WNT8A: variants seen among roughly 807,000 people sequenced by gnomAD.
WNT8A encodes the protein protein Wnt-8a.
Under a neutral mutation model 20.5 loss-of-function variants are expected in WNT8A, and 14 were observed. The ratio of observed to expected loss-of-function variants is 0.68; its 90% CI spans 0.45 to 1.07. WNT8A has a LOEUF of 1.07. WNT8A is among the 50% of genes least tolerant of loss of function. The pLI is 0.00. For synonymous variants in WNT8A, 167 were observed against 169.2 expected (o/e 0.99, Z 0.10); for missense variants, 397 against 462.9 (o/e 0.86, Z 1.31).
At chr5:138,088,068 G>C (rs1009863024) in intron 3 of WNT8A, 137 bp downstream of exon 3, 417 of 1,326,036 alleles carry the variant, frequency 3.1e-4, no homozygotes, top group Non-Finnish European at 4.1e-4. Flanking sequence ...TCAATTGTAG[G>C]ATCTCCTAGC....
intron 2 of WNT8A, among the ~76,000 whole-genome samples, chr5:138,087,474 G>GT: frequency 6.6e-6 from 1 of 151,726 alleles, no homozygotes; most frequent in East Asian, 1.9e-4. Flanking sequence ...TCAACAAGGT[G>GT]AAACCCCATC....
In WNT8A at chr5:138,088,954, G is replaced by T; in HGVS notation, c.449G>T (p.Cys150Phe). The T allele has an allele frequency of 6.2e-7, 1 of 1,614,018 alleles. No individual in the cohort carries two copies. The highest frequency in any genetic ancestry group is 8.5e-7 in the Non-Finnish European group (1 of 1,180,012). ...GGCCATGGCTGGATCTGGGGAGGCTGCAGCGACAATGTGGAATTTGGGGAA... is the reference window on the plus strand; with the variant it reads ...GGCCATGGCTGGATCTGGGGAGGCTTCAGCGACAATGTGGAATTTGGGGAA... ...TGGHGWIWGG[C>F]SDNVEFGERI... Residue 150 changes from cysteine (C) to phenylalanine (F), a missense_variant, in exon 4 of 5, where the codon TGC (cysteine) becomes TTC (phenylalanine). Transcript: ENST00000506684.
chr5:138,090,560 ATG>A lies in WNT8A; in HGVS notation c.599_600del (p.Cys200SerfsTer18). ...VRATMKRTCK[C>X]HGISGSCSIQ... is the part of the protein sequence containing the mutation. ...GAGCCACCATGAAAAGGACATGCAA[ATG>A]TCATGGCATCTCTGGGAGCTGCAGC... On this transcript the variant is annotated frameshift_variant, in exon 5 of 5. Transcript: ENST00000506684. LOFTEE classifies it low-confidence loss of function (END_TRUNC). 31 of 1,614,136 alleles carry A rather than the reference ATG, an allele frequency of 1.9e-5. No homozygotes were observed. The highest frequency in any genetic ancestry group is 2.6e-5 in the Non-Finnish European group (31 of 1,180,004).
At chr5:138,078,965 A>G in the WNT8A span, among the ~76,000 whole-genome samples, 1 of 152,162 alleles carries the variant, frequency 6.6e-6, no homozygotes, top group Admixed American at 6.6e-5. Context: ...CAGAAGTGTG[A>G]ATGCTTATTC....
upstream of WNT8A, among the ~76,000 whole-genome samples, chr5:138,082,876 A>AAAATAAATAAAT (rs61652264): frequency 4.6e-3 from 632 of 137,802 alleles, 7 homozygotes; most frequent in African/African-American, 6.3e-3. Flanking sequence ...ACTCCATCTC[A>AAAATAAATAAAT]AAATAAATAA....
At chr5:138,080,088 C>T (rs969897767), upstream of WNT8A, among the ~76,000 whole-genome samples, 15 of 152,028 alleles carry the variant, frequency 9.9e-5, no homozygotes, top group African/African-American at 3.4e-4. Context: ...TTTGGGAGGC[C>T]GAGGTGAGCA....
chr5:138,088,794 C>A (rs1561576712), intron 3 of WNT8A, 133 bp from the exon 4 acceptor site: 1 of 1,275,068 alleles, frequency 7.8e-7, no homozygotes, highest in Non-Finnish European at 1.1e-6. Flanking sequence ...CTCCCACCCA[C>A]CCCAAGCACC....
rs760127871 is a variant in WNT8A at position 138,090,913 on chromosome 5, T to C, written c.950T>C (p.Leu317Pro). ...GGGCGCCTGTGCACTGAGTGTGGGC[T>C]GCAGGTGGAAGAGAGGAAAACTGAG... ...SCGRLCTECG[L>P]QVEERKTEVI... The change falls in exon 5 of 5, where the codon CTG (leucine) becomes CCG (proline). Residue 317 changes from leucine to proline, a missense_variant. Transcript: ENST00000506684. 6.2e-7 allele frequency: 1 copy of C among 1,614,192 alleles called. No individual in the cohort carries two copies. The highest frequency in any genetic ancestry group is 8.5e-7 in the Non-Finnish European group (1 of 1,180,030).
At chr5:138,089,746 C>T (rs565296432) in intron 4 of WNT8A, among the ~76,000 whole-genome samples, 1 of 152,260 alleles carries the variant, frequency 6.6e-6, no homozygotes, top group South Asian at 2.1e-4. Flanking sequence ...ACTGCAGCCT[C>T]CACCTCCCAG....
upstream of WNT8A, among the ~76,000 whole-genome samples, chr5:138,082,900 T>TAAATAAAA (rs2151143294): frequency 7.2e-6 from 1 of 138,086 alleles, no homozygotes; most frequent in Admixed American, 7.4e-5. Context: ...AATAAATAAA[T>TAAATAAAA]AAATAAATAA....
At position 138,091,311 on chromosome 5, in the gene WNT8A, CA is replaced by C; in HGVS notation, c.*241del. On this transcript the variant is annotated 3_prime_UTR_variant, in exon 5 of 5. Transcript: ENST00000506684. ...GCAGACCCCCATTTCATCTTTCCTG[CA>C]AACTACTTTCCCATCTTTGTGCCTG... 6.6e-7 allele frequency: 1 copy of C among 1,524,582 alleles called. No individual in the cohort carries two copies. Among genetic ancestry groups the C allele is most frequent in the Non-Finnish European group, 8.8e-7 (1 of 1,134,142 alleles). The allele number at this position is 1,524,582 out of a possible 1,614,324, so 94.4% of individuals were successfully genotyped here.
upstream of WNT8A, among the ~76,000 whole-genome samples, chr5:138,079,848 T>C (rs1361215395): frequency 6.6e-6 from 1 of 152,224 alleles, no homozygotes; most frequent in Non-Finnish European, 1.5e-5. Flanking sequence ...GTAGACTTGA[T>C]GTGGAATGCC....
At chr5:138,089,176 A>ATCTCAATCTGGCTGG in intron 4 of WNT8A, 107 bp downstream of exon 4, 1 of 1,463,966 alleles carries the variant, frequency 6.8e-7, no homozygotes, top group Non-Finnish European at 9.1e-7. Flanking sequence ...CTACCCAGCC[A>ATCTCAATCTGGCTGG]GATTGAGATG....
rs140264645 is a variant in WNT8A, at chr5:138,085,583, C to T, written c.295+947C>T. Among the ~76,000 whole-genome samples the T allele has an allele frequency of 2.6e-5, 4 of 152,138 alleles. No homozygotes were observed. The East Asian group carries it at 7.7e-4, about 29-fold the overall frequency. On this transcript the variant is annotated intron_variant, in intron 2 of 4. Coordinates refer to ENST00000506684, the MANE Select transcript of WNT8A (RefSeq NM_001300939.2). Reference sequence around the variant, plus strand: ...GAAAGTGGCTAAGCACGTGTTGGAACCATGCCTATAATCCCAGCACTTTGG... The same window carrying T: ...GAAAGTGGCTAAGCACGTGTTGGAATCATGCCTATAATCCCAGCACTTTGG...
Position 138,091,156 on chromosome 5 carries a change from G to A in WNT8A, c.*83G>A, listed in dbSNP as rs558564122. On this transcript the variant is annotated 3_prime_UTR_variant, in exon 5 of 5. Coordinates refer to ENST00000506684, the MANE Select transcript of WNT8A (RefSeq NM_001300939.2). ...TCTCTTAGAGAGAACAGATTGGAAA[G>A]CAATCGGAAAATTGCAGTTTTGGTC... The A allele has an allele frequency of 1.1e-4, 175 of 1,543,506 alleles. 4 individuals carry two copies. In the Admixed American group the frequency reaches 3.2e-3, roughly 28 times the overall value.
At chr5:138,077,490 G>A in the WNT8A span, among the ~76,000 whole-genome samples, 1 of 152,214 alleles carries the variant, frequency 6.6e-6, no homozygotes, top group Admixed American at 6.5e-5. Context: ...GTATTGGCCT[G>A]AACCGAGTAG....
the WNT8A span, among the ~76,000 whole-genome samples, chr5:138,077,884 T>A: frequency 1.3e-5 from 2 of 151,976 alleles, no homozygotes; most frequent in African/African-American, 4.8e-5. Context: ...GAAAGAAACA[T>A]ACTTGGCAAC....
upstream of WNT8A, among the ~76,000 whole-genome samples, chr5:138,081,196 A>C (rs1259807467): frequency 6.8e-6 from 1 of 147,622 alleles, no homozygotes; most frequent in East Asian, 2.0e-4. Context: ...ACTGCACTGC[A>C]GCCTGGGCGA....
chr5:138,090,506 C>T (rs949166662), intron 4 of WNT8A, 22 bp from the exon 5 acceptor site: 5 of 1,608,244 alleles, frequency 3.1e-6, no homozygotes, highest in Non-Finnish European at 3.4e-6. Context: ...GAGCCATTCT[C>T]TTTTGTGTTC....
Sources: allele counts gnomAD v4.1 joint callset (sites outside exome capture counted in the v4.1 genomes callset), GRCh38; gene constraint gnomAD v4.1.1; transcripts MANE v1.5; gene names NCBI Gene and HGNC (gene_info 2026-07-23, HGNC 2026-07-21).